The following SEC24D variants were observed in gnomAD, a reference collection of about 807,000 sequenced individuals.
SEC24D encodes the protein SEC24 homolog D, COPII component, also known as protein transport protein Sec24D.
SEC24D carries 69 observed loss-of-function variants against 116.9 expected under a neutral mutation model. The observed-to-expected ratio is 0.59, with a 90% CI of 0.49 to 0.72. SEC24D has a LOEUF of 0.72. SEC24D is among the 30% of genes least tolerant of loss of function. The pLI, the probability that SEC24D is intolerant of heterozygous loss-of-function variation, is 0.00. For synonymous variants in SEC24D, 405 were observed against 442.8 expected, an observed-to-expected ratio of 0.91 and a Z score of 1.07; for missense variants, 1,131 against 1,264.1, an observed-to-expected ratio of 0.89 and a Z score of 1.60.
intron 3 of SEC24D, among the ~76,000 whole-genome samples, chr4:118,817,964 G>A (rs187497690): frequency 6.6e-6 from 1 of 151,938 alleles, no homozygotes; most frequent in South Asian, 2.1e-4. Flanking sequence ...TTGAGTCCAG[G>A]AGGTCAAGAC....
At chr4:118,736,592 C>T in intron 19 of SEC24D, 1 of 300,174 alleles carries the variant, frequency 3.3e-6, no homozygotes, top group Non-Finnish European at 6.5e-6. Flanking sequence ...ACCAAGTTTA[C>T]AGTTAGATTT....
chr4:118,807,750 G>A (rs560833838), intron 6 of SEC24D, among the ~76,000 whole-genome samples: 1 of 152,158 alleles, frequency 6.6e-6, no homozygotes, highest in Non-Finnish European at 1.5e-5. Flanking sequence ...GACAGATTTA[G>A]CCTGCCTTTA....
chr4:118,830,645 A>ATT (rs55741628), intron 2 of SEC24D, among the ~76,000 whole-genome samples: 6,560 of 149,656 alleles, frequency 0.044, 193 homozygotes, highest in Non-Finnish European at 0.064. Context: ...GCCAATTAAA[A>ATT]TTTTTTTTTT....
At chr4:118,811,763 T>C (rs764549838) in intron 6 of SEC24D, among the ~76,000 whole-genome samples, 2 of 152,228 alleles carry the variant, frequency 1.3e-5, no homozygotes, top group Non-Finnish European at 2.9e-5. Flanking sequence ...AAGTAATGAC[T>C]GGCAATATGA....
chr4:118,807,492 GA>G (rs1194206637), intron 6 of SEC24D, among the ~76,000 whole-genome samples: 4 of 135,726 alleles, frequency 2.9e-5, no homozygotes, highest in African/African-American at 1.1e-4. Context: ...GGAATAAAAG[GA>G]AAAAAAAATG....
chr4:118,829,884 G>A (rs1730768143), intron 2 of SEC24D, among the ~76,000 whole-genome samples: 1 of 152,064 alleles, frequency 6.6e-6, no homozygotes, highest in Admixed American at 6.5e-5. Flanking sequence ...ATGGAGATAC[G>A]ATAATGTGAG....
Position 118,797,798 on chromosome 4 carries a change from G to A in SEC24D, c.926C>T (p.Pro309Leu), listed in dbSNP as rs1460836101. The change falls in exon 8 of 23, where the codon CCT (proline) becomes CTT (leucine). Residue 309 changes from proline (P) to leucine (L), a missense_variant. Coordinates refer to ENST00000280551, the MANE Select transcript of SEC24D (RefSeq NM_014822.4). ...CMIQDQGNAS[P>L]RFIRCTTYCF... ...GTATGTTGTACAACGGATGAATCGAGGACTGGCATTTCCTGAAACATTCAA... is the reference window on the plus strand; with the variant it reads ...GTATGTTGTACAACGGATGAATCGAAGACTGGCATTTCCTGAAACATTCAA... 1.9e-6 allele frequency: 3 copies of A among 1,598,428 alleles called. No homozygotes were observed. Among genetic ancestry groups the A allele is most frequent in the Non-Finnish European group, 2.6e-6 (3 of 1,169,726 alleles).
At chr4:118,772,848 G>A (rs936903057) in intron 8 of SEC24D, among the ~76,000 whole-genome samples, 1 of 152,114 alleles carries the variant, frequency 6.6e-6, no homozygotes, top group Non-Finnish European at 1.5e-5. Flanking sequence ...CATGGTGCTG[G>A]TAAAGGGCAG....
At chr4:118,728,504 G>A in intron 22 of SEC24D, 57 bp downstream of exon 22, 1 of 1,026,514 alleles carries the variant, frequency 9.7e-7, no homozygotes. Flanking sequence ...TGCATGTTAA[G>A]TCTTTAATGA....
chr4:118,787,743 G>T (rs1289047844), intron 8 of SEC24D, among the ~76,000 whole-genome samples: 1 of 152,170 alleles, frequency 6.6e-6, no homozygotes, highest in Non-Finnish European at 1.5e-5. Context: ...GGGAGGTGAA[G>T]GTTGCCGTGA....
chr4:118,767,615 A>G (rs1560663241), intron 9 of SEC24D, among the ~76,000 whole-genome samples: 1 of 152,246 alleles, frequency 6.6e-6, no homozygotes, highest in Non-Finnish European at 1.5e-5. Context: ...TTTTCTTCAA[A>G]ATCAGTAAAT....
At position 118,805,964 on chromosome 4, in the gene SEC24D, A is replaced by G. The variant is rs1729658882; in HGVS notation, c.802-10T>C. ...TCTCAATCACCTGGATCTGATAAAT[A>G]AGACATCAAGAGCCCGTTAAAGTAG... is the stretch of plus-strand genomic sequence containing the variant. On this transcript the variant is annotated splice_polypyrimidine_tract_variant and intron_variant, in intron 6 of 22. Coordinates refer to ENST00000280551, the MANE Select transcript of SEC24D (RefSeq NM_014822.4). 3 of 1,553,428 alleles carry G rather than the reference A, an allele frequency of 1.9e-6. No individual in the cohort carries two copies. The highest frequency in any genetic ancestry group is 2.6e-6 in the Non-Finnish European group (3 of 1,132,554).
intron 8 of SEC24D, among the ~76,000 whole-genome samples, chr4:118,797,011 C>G (rs561649782): frequency 2.6e-5 from 4 of 152,072 alleles, no homozygotes; most frequent in Admixed American, 2.0e-4. Context: ...TGTTTCTGTG[C>G]GCATGTGGGC....
chr4:118,829,734 C>A (rs557866362), intron 2 of SEC24D, among the ~76,000 whole-genome samples: 32 of 152,132 alleles, frequency 2.1e-4, no homozygotes, highest in African/African-American at 7.2e-4. Flanking sequence ...ATCGCTTGAA[C>A]CTGGGAGGCG....
rs188851732 is a variant in SEC24D, at chr4:118,734,127, A to C, written c.2497-1215T>G. 2.3e-3 allele frequency among the ~76,000 whole-genome samples: 343 copies of C among 149,568 alleles called. 1 individual carries two copies. The highest frequency in any genetic ancestry group is 8.3e-3 in the African/African-American group (335 of 40,480). ...GTGAACAAGGACATATCCAAAAGAA[A>C]AATTATACATACGAGATAATAACTT... is the stretch of plus-strand genomic sequence containing the variant. On this transcript the variant is annotated intron_variant, in intron 19 of 22. Coordinates refer to ENST00000280551, the MANE Select transcript of SEC24D (RefSeq NM_014822.4).
intron 6 of SEC24D, among the ~76,000 whole-genome samples, chr4:118,810,084 G>A (rs1373273693): frequency 9.0e-6 from 1 of 110,862 alleles, no homozygotes; most frequent in African/African-American, 2.9e-5. Flanking sequence ...CTGTGTGTGT[G>A]TGTGTGTGTG....
chr4:118,784,764 C>A, intron 8 of SEC24D, among the ~76,000 whole-genome samples: 1 of 139,190 alleles, frequency 7.2e-6, no homozygotes. Context: ...ACCAAATACA[C>A]ACAAACACAC....
At position 118,817,254 on chromosome 4, in the gene SEC24D, A is replaced by G; in HGVS notation, c.397+10T>C. The G allele has an allele frequency of 3.1e-6, 5 of 1,588,334 alleles. No homozygotes were observed. Among genetic ancestry groups the G allele is most frequent in the Non-Finnish European group, 3.4e-6 (4 of 1,171,170 alleles). On this transcript the variant is annotated intron_variant, in intron 4 of 22. Transcript: ENST00000280551. ...AGGCAGTCAATAAACACTAATAATAAAACTATTACCATAGCTGTTGATTTG... is the reference window on the plus strand; with the variant it reads ...AGGCAGTCAATAAACACTAATAATAGAACTATTACCATAGCTGTTGATTTG...
chr4:118,747,263 C>G (rs1313860099), intron 13 of SEC24D, among the ~76,000 whole-genome samples: 2 of 128,226 alleles, frequency 1.6e-5, no homozygotes, highest in East Asian at 2.2e-4. Flanking sequence ...ATTTCTGTAG[C>G]TTTTTTTTTT....
Sources: allele counts gnomAD v4.1 joint callset (sites outside exome capture counted in the v4.1 genomes callset), GRCh38; gene constraint gnomAD v4.1.1; transcripts MANE v1.5; gene names NCBI Gene and HGNC (gene_info 2026-07-23, HGNC 2026-07-21).